The following TBCB variants were observed in gnomAD, a reference collection of about 807,000 sequenced individuals.
TBCB encodes tubulin-folding cofactor B.
In TBCB, 18 loss-of-function variants were observed where a neutral mutation model predicts 29.2. That is an observed-to-expected ratio of 0.62 (90% CI 0.43 to 0.91). The LOEUF (loss-of-function observed/expected upper bound fraction) is 0.91, where lower values mean the gene tolerates loss of function less well. TBCB is among the 40% of genes least tolerant of loss of function. TBCB has a pLI of 0.00. For missense variants in TBCB, 336 were observed against 337.6 expected (o/e 1.00, Z 0.04); for synonymous variants, 172 against 137.8 (o/e 1.25, Z -1.74).
At chr19:36,117,127 C>T (rs1449625232) in intron 2 of TBCB, among the ~76,000 whole-genome samples, 2 of 152,138 alleles carry the variant, frequency 1.3e-5, no homozygotes, top group African/African-American at 4.8e-5. Flanking sequence ...TAACGTTTAC[C>T]TCATTCCTTT....
rs961446816 is a variant in TBCB at position 36,115,541 on chromosome 19, C to G, written c.-20C>G. 3 of 1,575,210 alleles carry G rather than the reference C, an allele frequency of 1.9e-6. No individual in the cohort carries two copies. The highest frequency in any genetic ancestry group is 2.6e-6 in the Non-Finnish European group (3 of 1,157,524). On this transcript the variant is annotated 5_prime_UTR_variant, in exon 1 of 6. Transcript: ENST00000221855. ...TGAGGCGGCTGGACCGCGCTGCAGG[C>G]ATCCGCAGGGCGCGGCAAGATGGAG...
chr19:36,119,550 C>T (rs993458208), intron 2 of TBCB, among the ~76,000 whole-genome samples: 11 of 152,200 alleles, frequency 7.2e-5, no homozygotes, highest in Admixed American at 6.5e-4. Flanking sequence ...CCAGGGCCCT[C>T]CTAGCTCAGA....
chr19:36,121,495 C>T, intron 3 of TBCB, 32 bp from the exon 4 acceptor site: 3 of 1,537,576 alleles, frequency 2.0e-6, no homozygotes, highest in Non-Finnish European at 2.6e-6. Context: ...CCGGCCGACA[C>T]CCCAACTGAC....
At chr19:36,120,610 G>C (rs1421575485) in intron 2 of TBCB, 100 bp from the exon 3 acceptor site, 31 of 944,616 alleles carry the variant, frequency 3.3e-5, no homozygotes, top group Non-Finnish European at 5.1e-5. Flanking sequence ...GAGGGAGGGA[G>C]ATGCGTTTTT....
At chr19:36,121,837 C>T in intron 4 of TBCB, 119 bp downstream of exon 4, 1 of 1,286,832 alleles carries the variant, frequency 7.8e-7, no homozygotes, top group Non-Finnish European at 1.1e-6. Flanking sequence ...TTGGGGGGGA[C>T]TCGAAACGAT....
At chr19:36,115,247 T>C, upstream of TBCB, 1 of 532,466 alleles carries the variant, frequency 1.9e-6, no homozygotes, top group Non-Finnish European at 3.3e-6. Context: ...GGCGAGCTCT[T>C]GCCACTCCTA....
At chr19:36,116,762 G>A (rs1157530178) in intron 2 of TBCB, 1 of 152,278 alleles carries the variant, frequency 6.6e-6, no homozygotes, top group Admixed American at 6.5e-5. Flanking sequence ...CCGAGTAGCT[G>A]GGATTACAGG....
chr19:36,115,804 G>A, intron 1 of TBCB, 130 bp downstream of exon 1: 1 of 1,124,928 alleles, frequency 8.9e-7, no homozygotes, highest in Admixed American at 2.2e-5. Flanking sequence ...CGGAGGCTGG[G>A]GACCCGGTCG....
At chr19:36,122,642 C>A (rs1974074958) in intron 4 of TBCB, among the ~76,000 whole-genome samples, 1 of 150,090 alleles carries the variant, frequency 6.7e-6, no homozygotes, top group Non-Finnish European at 1.5e-5. Flanking sequence ...GGTGCCCCAG[C>A]TACTTGGGAG....
At chr19:36,121,293 G>C (rs1974045441) in intron 3 of TBCB, among the ~76,000 whole-genome samples, 1 of 151,976 alleles carries the variant, frequency 6.6e-6, no homozygotes, top group Non-Finnish European at 1.5e-5. Flanking sequence ...AGAGACCATG[G>C]GTCCTGTAGT....
At chr19:36,125,070 T>TA (rs1974115840) in intron 4 of TBCB, among the ~76,000 whole-genome samples, 1 of 152,288 alleles carries the variant, frequency 6.6e-6, no homozygotes, top group South Asian at 2.1e-4. Context: ...CTGAGCAACT[T>TA]AAAGTTATTT....
intron 2 of TBCB, chr19:36,118,006 TC>T (rs1973983635): frequency 6.6e-6 from 1 of 151,970 alleles, no homozygotes; most frequent in African/African-American, 2.4e-5. Flanking sequence ...CCTCAGGTAA[TC>T]CGCCCACCTC....
At chr19:36,121,988 G>C (rs933643487) in intron 4 of TBCB, 23 of 548,006 alleles carry the variant, frequency 4.2e-5, no homozygotes, top group African/African-American at 3.5e-4. Flanking sequence ...TGTGCGCTTC[G>C]AAGCGTGGGG....
chr19:36,120,168 T>A (rs1034982918), intron 2 of TBCB, among the ~76,000 whole-genome samples: 7 of 151,738 alleles, frequency 4.6e-5, no homozygotes, highest in African/African-American at 1.7e-4. Flanking sequence ...TGTTCCTTTG[T>A]TTGTGGTTGG....
Position 36,115,827 on chromosome 19 carries a change from T to C in TBCB, c.114+153T>C, listed in dbSNP as rs545262140. 620 of 1,070,192 alleles carry C rather than the reference T, an allele frequency of 5.8e-4. 1 individual carries two copies. In the African/African-American group the frequency reaches 9.5e-3, roughly 16 times the overall value. The allele number at this position is 1,070,192 out of a possible 1,614,324, so 66.3% of individuals were successfully genotyped here. On this transcript the variant is annotated intron_variant, in intron 1 of 5. Coordinates refer to ENST00000221855, the MANE Select transcript of TBCB (RefSeq NM_001281.3). ...GGGGACCCGGTCGCGGCGGGGCGGG[T>C]CCGGAGAGAACTCGAGAGTGCAGAG...
At chr19:36,122,040 C>A in intron 4 of TBCB, 1 of 445,446 alleles carries the variant, frequency 2.2e-6, no homozygotes, top group Non-Finnish European at 4.1e-6. Context: ...GTGACCAAGG[C>A]AGGAGTGAGG....
rs1451796671 is a variant in TBCB at position 36,121,444 on chromosome 19, G to A, written c.356-83G>A. 18 of 1,443,692 alleles carry A rather than the reference G, an allele frequency of 1.2e-5. No homozygotes were observed. The Admixed American group carries it at 2.1e-4, about 17-fold the overall frequency. The allele number at this position is 1,443,692 out of a possible 1,614,324, so 89.4% of individuals were successfully genotyped here. On this transcript the variant is annotated intron_variant, in intron 3 of 5. Transcript: ENST00000221855. ...CACCTGGAAGAGAGAGTTCCTCCGT[G>A]AACGTGGGCCCCTCGTGGGTGGAGC...
At chr19:36,122,025 G>T in intron 4 of TBCB, 1 of 473,450 alleles carries the variant, frequency 2.1e-6, no homozygotes, top group Non-Finnish European at 3.8e-6. Context: ...GGGGAAACGG[G>T]CGGCGTGACC....
intron 4 of TBCB, among the ~76,000 whole-genome samples, chr19:36,125,092 G>A (rs548212644): frequency 1.3e-5 from 2 of 152,288 alleles, no homozygotes; most frequent in African/African-American, 2.4e-5. Context: ...TCACAGTAAT[G>A]GAGGCTAGAA....
Sources: allele counts gnomAD v4.1 joint callset (sites outside exome capture counted in the v4.1 genomes callset), GRCh38; gene constraint gnomAD v4.1.1; transcripts MANE v1.5; gene names NCBI Gene and HGNC (gene_info 2026-07-23, HGNC 2026-07-21).